Variants in BLM observed in about 807,000 individuals in gnomAD.
The protein encoded by BLM is recQ-like DNA helicase BLM.
BLM carries 95 observed loss-of-function variants against 135.3 expected under a neutral mutation model. The ratio of observed to expected loss-of-function variants is 0.70; its 90% CI spans 0.59 to 0.83. The LOEUF is 0.83. BLM is among the 40% of genes least tolerant of loss of function. The pLI, the probability that BLM is intolerant of heterozygous loss-of-function variation, is 0.00. For synonymous variants in BLM, 520 were observed against 589.2 expected, an observed-to-expected ratio of 0.88 and a Z score of 1.70; for missense variants, 1,518 against 1,663.9, an observed-to-expected ratio of 0.91 and a Z score of 1.53.
intron 10 of BLM, among the ~76,000 whole-genome samples, chr15:90,767,326 A>C (rs1360933140): frequency 1.3e-5 from 2 of 152,228 alleles, no homozygotes; most frequent in African/African-American, 2.4e-5. Flanking sequence ...CAAAATTAGG[A>C]GATGTACATT....
chr15:90,784,664 T>G (rs1383654782), intron 13 of BLM, among the ~76,000 whole-genome samples: 5 of 151,512 alleles, frequency 3.3e-5, no homozygotes, highest in Non-Finnish European at 5.9e-5. Context: ...CCCACATGTA[T>G]CTAGTGTGAA....
chr15:90,737,876 A>T lies in BLM; in HGVS notation c.-4-9513A>T, dbSNP rs1895259649. Reference sequence around the variant, plus strand: ...AGCAGTAGAGAAATTGACAAAACAGAATTGATTCTTTGAAATGATAAAAAA... The same window carrying T: ...AGCAGTAGAGAAATTGACAAAACAGTATTGATTCTTTGAAATGATAAAAAA... On this transcript the variant is annotated intron_variant, in intron 1 of 21. Transcript: ENST00000355112. 2.6e-5 allele frequency among the ~76,000 whole-genome samples: 4 copies of T among 152,178 alleles called. No individual in the cohort carries two copies. In the South Asian group the frequency reaches 8.3e-4, roughly 31 times the overall value.
intron 13 of BLM, among the ~76,000 whole-genome samples, chr15:90,783,885 T>C (rs1896677044): frequency 6.6e-6 from 1 of 151,898 alleles, no homozygotes; most frequent in Admixed American, 6.6e-5. Flanking sequence ...AGCAAGACTG[T>C]CTCAAAAAAC....
intron 1 of BLM, among the ~76,000 whole-genome samples, chr15:90,731,985 C>T (rs993111006): frequency 6.6e-6 from 1 of 152,182 alleles, no homozygotes; most frequent in African/African-American, 2.4e-5. Context: ...CAGGCATGAG[C>T]CAATGCGTCT....
At chr15:90,754,688 C>G (rs1895768824) in intron 4 of BLM, 123 bp from the exon 5 acceptor site, 8 of 1,140,918 alleles carry the variant, frequency 7.0e-6, no homozygotes, top group Non-Finnish European at 8.6e-6. Flanking sequence ...ATTTAAAAAA[C>G]TACTTCTCTT....
At chr15:90,770,026 C>T (rs1047098279) in intron 12 of BLM, among the ~76,000 whole-genome samples, 2 of 151,978 alleles carry the variant, frequency 1.3e-5, no homozygotes, top group Admixed American at 6.6e-5. Flanking sequence ...CCCTAAGGTC[C>T]CAGTTGAATC....
At chr15:90,777,301 G>GT (rs1896504964) in intron 12 of BLM, among the ~76,000 whole-genome samples, 1 of 151,848 alleles carries the variant, frequency 6.6e-6, no homozygotes, top group South Asian at 2.1e-4. Flanking sequence ...ACAGGCGCCC[G>GT]CCACCATGCC....
chr15:90,793,213 A>G (rs3213194), intron 15 of BLM, among the ~76,000 whole-genome samples: 55,729 of 149,888 alleles, frequency 0.37, 11,815 homozygotes, highest in African/African-American at 0.59. Flanking sequence ...TCAGCTCACT[A>G]CAACCTCCAC....
At chr15:90,767,132 A>G (rs537954863) in intron 10 of BLM, 109 bp downstream of exon 10, 15 of 655,940 alleles carry the variant, frequency 2.3e-5, no homozygotes, top group African/African-American at 5.6e-5. Flanking sequence ...TTTTTGTACA[A>G]CTTTCATCCA....
At chr15:90,735,008 A>T (rs1378448833) in intron 1 of BLM, among the ~76,000 whole-genome samples, 3 of 152,024 alleles carry the variant, frequency 2.0e-5, no homozygotes. Context: ...TTTTATAAGA[A>T]TATGCAAAAA....
chr15:90,792,618 C>T (rs1555423215), intron 15 of BLM, among the ~76,000 whole-genome samples: 1 of 152,062 alleles, frequency 6.6e-6, no homozygotes, highest in Non-Finnish European at 1.5e-5. Context: ...CAATAAGAGT[C>T]GTTGTAGTAG....
intron 19 of BLM, among the ~76,000 whole-genome samples, chr15:90,806,602 C>G (rs1389947154): frequency 6.6e-6 from 1 of 151,946 alleles, no homozygotes; most frequent in Admixed American, 6.6e-5. Flanking sequence ...ATCTAGCACA[C>G]TGCTATGTCT....
chr15:90,766,948 A>G lies in BLM; in HGVS notation c.2232A>G (p.Ser744=), dbSNP rs2151163874. The change falls in exon 10 of 22, where the codon TCA becomes TCG. Residue 744 remains serine, a synonymous_variant. Coordinates refer to ENST00000355112, the MANE Select transcript of BLM (RefSeq NM_000057.4). ...ATYLTGDKTD[S]EATNIYLQLS... ...ATCTGACAGGTGATAAGACTGACTC[A>G]GAAGCTACAAATATTTACCTCCAGT... 2 of 1,606,084 alleles carry G rather than the reference A, an allele frequency of 1.2e-6. No homozygotes were observed. The highest frequency in any genetic ancestry group is 2.2e-5 in the South Asian group (2 of 90,448).
At chr15:90,771,770 A>G (rs1896325007) in intron 12 of BLM, among the ~76,000 whole-genome samples, 1 of 152,124 alleles carries the variant, frequency 6.6e-6, no homozygotes, top group Admixed American at 6.5e-5. Flanking sequence ...AGTTACATCA[A>G]TGGCAAATGC....
chr15:90,816,080 C>CAAAAAAAAAAAAAAAAA lies in BLM; in HGVS notation c.*804_*820dup, dbSNP rs34940723. 2.1e-5 allele frequency: 2 copies of CAAAAAAAAAAAAAAAAA among 96,522 alleles called. No homozygotes were observed. The highest frequency in any genetic ancestry group is 2.1e-5 in the Non-Finnish European group (1 of 47,568). The allele number at this position is 96,522 out of a possible 1,614,324, so 6.0% of individuals were successfully genotyped here. A position where few individuals can be genotyped will look rare whatever the true frequency, so the allele number is the denominator to read the frequency against. ...TGGGTGACAGAGCAAGACTCCGTCT[C>CAAAAAAAAAAAAAAAAA]AAAAAAAAAAAAAAAAAAAGAAATA... On this transcript the variant is annotated 3_prime_UTR_variant, in exon 22 of 22. Coordinates refer to ENST00000355112, the MANE Select transcript of BLM (RefSeq NM_000057.4).
intron 12 of BLM, among the ~76,000 whole-genome samples, chr15:90,778,632 A>G (rs1285119741): frequency 1.3e-5 from 2 of 152,082 alleles, no homozygotes; most frequent in African/African-American, 4.8e-5. Context: ...CCAATATGTG[A>G]TCTTTTTTGT....
At chr15:90,775,701 G>A (rs924229532) in intron 12 of BLM, among the ~76,000 whole-genome samples, 8 of 151,762 alleles carry the variant, frequency 5.3e-5, no homozygotes, top group African/African-American at 9.7e-5. Flanking sequence ...TAGTAGAGAC[G>A]GGGTTTCACC....
chr15:90,781,697 T>A (rs1896621103), intron 12 of BLM, among the ~76,000 whole-genome samples: 1 of 152,118 alleles, frequency 6.6e-6, no homozygotes, highest in Non-Finnish European at 1.5e-5. Context: ...AAAATCTCAC[T>A]GTTTTAAGAG....
chr15:90,816,109 A>G lies in BLM; in HGVS notation c.*830A>G, dbSNP rs1450458179. 1.3e-5 allele frequency: 2 copies of G among 151,602 alleles called. No individual in the cohort carries two copies. The highest frequency in any genetic ancestry group is 6.6e-5 in the Admixed American group (1 of 15,196). The allele number at this position is 151,602 out of a possible 1,614,324, so 9.4% of individuals were successfully genotyped here. ...AAAAAAAAAAAAAAAAGAAATATAC[A>G]TGCTCTGCAAATATGTGAAAAAGGT... On this transcript the variant is annotated 3_prime_UTR_variant, in exon 22 of 22. Coordinates refer to ENST00000355112, the MANE Select transcript of BLM (RefSeq NM_000057.4).
Sources: allele counts gnomAD v4.1 joint callset (sites outside exome capture counted in the v4.1 genomes callset), GRCh38; gene constraint gnomAD v4.1.1; transcripts MANE v1.5; gene names NCBI Gene and HGNC (gene_info 2026-07-23, HGNC 2026-07-21).